The following DNAAF9 variants were observed in gnomAD, a reference collection of about 807,000 sequenced individuals.
The protein encoded by DNAAF9 is shulin.
A neutral mutation model predicts 167.0 loss-of-function variants in DNAAF9; 90 were observed. The observed-to-expected ratio is 0.54, with a 90% CI of 0.45 to 0.64. The LOEUF (loss-of-function observed/expected upper bound fraction) is 0.64. DNAAF9 is among the 30% of genes least tolerant of loss of function. DNAAF9 has a pLI of 0.00. For missense variants in DNAAF9, 1,315 were observed against 1,442.2 expected (o/e 0.91, Z 1.43); for synonymous variants, 491 against 508.8 (o/e 0.96, Z 0.47).
chr20:3,279,738 G>A (rs1056181350), intron 28 of DNAAF9, among the ~76,000 whole-genome samples: 2 of 152,182 alleles, frequency 1.3e-5, no homozygotes, highest in Non-Finnish European at 2.9e-5. Flanking sequence ...CATGGGTTTA[G>A]GACGGCTAAA....
intron 1 of DNAAF9, among the ~76,000 whole-genome samples, chr20:3,390,923 T>C (rs191722716): frequency 2.7e-4 from 41 of 152,242 alleles, no homozygotes; most frequent in African/African-American, 9.9e-4. Context: ...CATCAGACAG[T>C]AGGCTGCTTT....
intron 20 of DNAAF9, among the ~76,000 whole-genome samples, chr20:3,311,244 C>A (rs993684677): frequency 6.6e-6 from 1 of 152,042 alleles, no homozygotes. Context: ...GGGCTCAAGC[C>A]ACCCTCCAGT....
intron 1 of DNAAF9, among the ~76,000 whole-genome samples, chr20:3,393,818 T>A (rs1216437962): frequency 6.6e-6 from 1 of 152,194 alleles, no homozygotes; most frequent in East Asian, 1.9e-4. Context: ...AGTACCTGTT[T>A]CCCACAAGTT....
At chr20:3,375,380 C>CA (rs993590986) in intron 4 of DNAAF9, among the ~76,000 whole-genome samples, 69 of 152,188 alleles carry the variant, frequency 4.5e-4, no homozygotes, top group African/African-American at 1.6e-3. Context: ...ACTTTTCCCC[C>CA]AAAAAATTCC....
intron 16 of DNAAF9, among the ~76,000 whole-genome samples, chr20:3,321,222 C>T (rs1480319977): frequency 1.3e-5 from 2 of 152,128 alleles, no homozygotes; most frequent in African/African-American, 4.8e-5. Context: ...CACTTAATGA[C>T]AGGGATACAT....
intron 1 of DNAAF9, among the ~76,000 whole-genome samples, chr20:3,386,683 G>T (rs527829630): frequency 1.3e-5 from 2 of 152,026 alleles, no homozygotes; most frequent in East Asian, 3.9e-4. Context: ...ACAAGCTACT[G>T]ACTGGGAGAA....
At chr20:3,268,286 C>A (rs1222294209) in intron 30 of DNAAF9, among the ~76,000 whole-genome samples, 2 of 151,338 alleles carry the variant, frequency 1.3e-5, no homozygotes, top group Non-Finnish European at 2.9e-5. Context: ...ACGCCCGCCT[C>A]GCCCTCCCAA....
intron 22 of DNAAF9, 102 bp from the exon 23 acceptor site, chr20:3,297,051 G>T: frequency 4.3e-6 from 3 of 704,780 alleles, no homozygotes; most frequent in Non-Finnish European, 7.5e-6. Flanking sequence ...GACTGTCACT[G>T]CAGAGAAAAT....
intron 11 of DNAAF9, among the ~76,000 whole-genome samples, chr20:3,331,374 C>T (rs998567653): frequency 7.2e-5 from 11 of 152,184 alleles, no homozygotes; most frequent in Admixed American, 4.6e-4. Context: ...AGTTTCCTGG[C>T]TTATTTAACA....
At chr20:3,281,588 T>C (rs1331770883) in intron 28 of DNAAF9, 53 bp downstream of exon 28, 3 of 1,517,408 alleles carry the variant, frequency 2.0e-6, no homozygotes, top group Non-Finnish European at 2.7e-6. Context: ...CTTCTTCTGG[T>C]GGGTGGAAAC....
intron 30 of DNAAF9, among the ~76,000 whole-genome samples, chr20:3,267,000 G>C (rs2068502925): frequency 6.6e-6 from 1 of 151,780 alleles, no homozygotes. Flanking sequence ...TCACAGGCAT[G>C]CACTACCATG....
chr20:3,292,867 A>C (rs1335809348), intron 25 of DNAAF9, among the ~76,000 whole-genome samples: 1 of 151,890 alleles, frequency 6.6e-6, no homozygotes, highest in Non-Finnish European at 1.5e-5. Context: ...AGGAGTGTGA[A>C]CCAGGTCAGG....
intron 29 of DNAAF9, among the ~76,000 whole-genome samples, chr20:3,277,718 A>G (rs568683892): frequency 1.2e-4 from 18 of 152,142 alleles, no homozygotes; most frequent in Non-Finnish European, 1.5e-5. Flanking sequence ...GGACCTACCC[A>G]ATCTCCATTT....
chr20:3,259,469 C>G lies in DNAAF9; in HGVS notation c.3055+11G>C. On this transcript the variant is annotated intron_variant, in intron 33 of 36. Transcript: ENST00000252032. ...ATGGTGTAGAGCTCCCAAATCCCAG[C>G]CCCTGGTTACCTGAAAACTTCACTT... 2.0e-6 allele frequency: 3 copies of G among 1,512,560 alleles called. No homozygotes were observed. Among genetic ancestry groups the G allele is most frequent in the Non-Finnish European group, 2.7e-6 (3 of 1,108,720 alleles). 93.7% of individuals were successfully genotyped at this position (1,512,560 alleles called of 1,614,324 possible).
chr20:3,290,150 G>A lies in DNAAF9; in HGVS notation c.2306C>T (p.Thr769Ile), dbSNP rs2068925442. ...TAACCTGCCACATTCCTTATGCAGAGTGACCAGAAAAGCACAGAGCTCGCT... is the reference window on the plus strand; with the variant it reads ...TAACCTGCCACATTCCTTATGCAGAATGACCAGAAAAGCACAGAGCTCGCT... ...HASELCAFLV[T>I]LHKECGRWMV... The change falls in exon 26 of 37, where the codon ACT (threonine) becomes ATT (isoleucine). Residue 769 changes from threonine to isoleucine, a missense_variant. This residue lies in a region of DNAAF9 where 981 missense variants were observed against 1,012.5 expected (regional missense o/e 0.97). Transcript: ENST00000252032. 3 of 1,611,258 alleles carry A rather than the reference G, an allele frequency of 1.9e-6. No individual in the cohort carries two copies. Among genetic ancestry groups the A allele is most frequent in the East Asian group, 4.5e-5 (2 of 44,874 alleles).
intron 6 of DNAAF9, among the ~76,000 whole-genome samples, chr20:3,373,182 AG>A (rs1311323016): frequency 6.6e-6 from 1 of 152,230 alleles, no homozygotes; most frequent in African/African-American, 2.4e-5. Context: ...TAGTTCTCCC[AG>A]GCAAGCCTCC....
At chr20:3,380,146 G>C (rs1025468456) in intron 3 of DNAAF9, among the ~76,000 whole-genome samples, 1 of 152,182 alleles carries the variant, frequency 6.6e-6, no homozygotes. Flanking sequence ...AATGTCCTTA[G>C]CAATCTGGGC....
chr20:3,294,499 A>T, intron 24 of DNAAF9, 29 bp downstream of exon 24: 1 of 1,441,706 alleles, frequency 6.9e-7, no homozygotes, highest in Non-Finnish European at 9.8e-7. Context: ...CCAGAATATT[A>T]AACATCTATA....
At chr20:3,389,245 A>G (rs2083792223) in intron 1 of DNAAF9, among the ~76,000 whole-genome samples, 1 of 152,112 alleles carries the variant, frequency 6.6e-6, no homozygotes, top group Non-Finnish European at 1.5e-5. Context: ...TCCTGGGCTC[A>G]GGTGATTCTC....
Sources: gnomAD v4.1 joint callset for allele counts (sites outside exome capture counted in the v4.1 genomes callset) on GRCh38, gnomAD v4.1.1 for gene constraint, gnomAD v4.1.1 regional missense constraint, MANE v1.5 for transcripts, NCBI Gene and HGNC (gene_info 2026-07-23, HGNC 2026-07-21) for gene names.